Variants in CPLX2 observed in about 807,000 individuals in gnomAD.
CPLX2 encodes complexin-2.
A neutral mutation model predicts 16.3 loss-of-function variants in CPLX2; 5 were observed. That is an observed-to-expected ratio of 0.31 (90% CI 0.16 to 0.64). CPLX2 has a LOEUF of 0.64. CPLX2 is among the 30% of genes least tolerant of loss of function. CPLX2 has a pLI of 0.79. For synonymous variants in CPLX2, 89 were observed against 73.2 expected, an observed-to-expected ratio of 1.22 and a Z score of -1.10; for missense variants, 144 against 181.4, an observed-to-expected ratio of 0.79 and a Z score of 1.18.
intron 2 of CPLX2, among the ~76,000 whole-genome samples, chr5:175,814,572 A>G (rs1424567497): frequency 1.3e-5 from 2 of 152,208 alleles, no homozygotes; most frequent in East Asian, 3.8e-4. Flanking sequence ...TGTGAACCTC[A>G]ACAGTTCACA....
At chr5:175,874,076 C>G (rs1256337970) in intron 1 of CPLX2, among the ~76,000 whole-genome samples, 2 of 152,168 alleles carry the variant, frequency 1.3e-5, no homozygotes, top group Non-Finnish European at 2.9e-5. Context: ...CACAAGGACT[C>G]GTATCAGTTT....
chr5:175,864,678 A>G (rs1759433203), intron 2 of CPLX2, among the ~76,000 whole-genome samples: 1 of 152,156 alleles, frequency 6.6e-6, no homozygotes, highest in African/African-American at 2.4e-5. Flanking sequence ...TTTGCCTAGG[A>G]GAGCTCCTGG....
At chr5:175,801,061 G>C (rs909020742) in intron 1 of CPLX2, among the ~76,000 whole-genome samples, 3 of 151,850 alleles carry the variant, frequency 2.0e-5, no homozygotes, top group Non-Finnish European at 4.4e-5. Flanking sequence ...GGAGGGGGCA[G>C]AGAGGAGATC....
intron 2 of CPLX2, among the ~76,000 whole-genome samples, chr5:175,818,864 T>C (rs1003777415): frequency 2.0e-5 from 3 of 151,966 alleles, no homozygotes; most frequent in Non-Finnish European, 4.4e-5. Context: ...TTTCACCATG[T>C]TGGTTGGCCA....
rs906632073 is a variant in CPLX2, at chr5:175,872,015, C to T, written c.-89+310C>T. On this transcript the variant is annotated intron_variant, in intron 1 of 3. Coordinates refer to ENST00000393745, the MANE Select transcript of CPLX2 (RefSeq NM_001008220.2). The surrounding 1 kb of genome is among the most constrained non-coding windows in gnomAD (Gnocchi z 5.0). ...GGCAGAGCCCGAACGGCCGGGGTCC[C>T]GGAGCCAGGACCGCCCCGGCTGCGG... The T allele has an allele frequency of 1.3e-5, 2 of 152,358 alleles. No homozygotes were observed. Among genetic ancestry groups the T allele is most frequent in the East Asian group, 1.9e-4 (1 of 5,150 alleles). 9.4% of individuals were successfully genotyped at this position (152,358 alleles called of 1,614,324 possible).
chr5:175,844,887 G>A (rs1759013690), intron 2 of CPLX2, among the ~76,000 whole-genome samples: 1 of 152,222 alleles, frequency 6.6e-6, no homozygotes, highest in Non-Finnish European at 1.5e-5. Flanking sequence ...AGTCTTTGTC[G>A]AGGGCTGGAT....
At chr5:175,841,444 C>T (rs1429540014) in intron 2 of CPLX2, among the ~76,000 whole-genome samples, 1 of 152,206 alleles carries the variant, frequency 6.6e-6, no homozygotes, top group African/African-American at 2.4e-5. Context: ...GAGAAGTGCA[C>T]ATCAGAAACA....
intron 2 of CPLX2, among the ~76,000 whole-genome samples, chr5:175,834,209 G>T (rs1462792709): frequency 3.3e-5 from 5 of 152,192 alleles, no homozygotes; most frequent in Admixed American, 2.6e-4. Context: ...GTAAAATGGG[G>T]TAATGACACC....
intron 2 of CPLX2, among the ~76,000 whole-genome samples, chr5:175,851,206 C>T (rs1216009061): frequency 2.6e-5 from 4 of 152,026 alleles, no homozygotes; most frequent in Non-Finnish European, 5.9e-5. Flanking sequence ...TGAAAGGTGG[C>T]CCCCTTTGGT....
At chr5:175,801,561 T>C (rs964594343) in intron 1 of CPLX2, among the ~76,000 whole-genome samples, 1 of 152,198 alleles carries the variant, frequency 6.6e-6, no homozygotes, top group African/African-American at 2.4e-5. Context: ...GCCCTGCCAT[T>C]GAGAAGCTGT....
chr5:175,798,509 G>C (rs943842517), intron 1 of CPLX2, among the ~76,000 whole-genome samples: 3 of 152,156 alleles, frequency 2.0e-5, no homozygotes, highest in Admixed American at 6.5e-5. Context: ...GTCACGAACT[G>C]TAAGGAAAGA....
chr5:175,808,312 C>T (rs1758249858), intron 1 of CPLX2, among the ~76,000 whole-genome samples: 1 of 152,134 alleles, frequency 6.6e-6, no homozygotes, highest in African/African-American at 2.4e-5. Flanking sequence ...TCACGATGCT[C>T]AGTCAACAAT....
At chr5:175,868,008 G>A (rs747705566), upstream of CPLX2, among the ~76,000 whole-genome samples, 85 of 152,160 alleles carry the variant, frequency 5.6e-4, no homozygotes, top group Non-Finnish European at 7.5e-4. Context: ...TCGGGCACAC[G>A]GCCAACCTCC....
upstream of CPLX2, among the ~76,000 whole-genome samples, chr5:175,869,781 C>T (rs1252757339): frequency 1.3e-5 from 2 of 152,158 alleles, no homozygotes; most frequent in African/African-American, 2.4e-5. Context: ...GACATACTCA[C>T]GTTTGTCAAA....
At chr5:175,852,354 G>A (rs1176691200) in intron 2 of CPLX2, among the ~76,000 whole-genome samples, 2 of 152,226 alleles carry the variant, frequency 1.3e-5, no homozygotes, top group Non-Finnish European at 1.5e-5. Flanking sequence ...CCTCTGGAGG[G>A]ATGGAGGAGA....
At chr5:175,801,693 T>C (rs1758099349) in intron 1 of CPLX2, among the ~76,000 whole-genome samples, 1 of 152,228 alleles carries the variant, frequency 6.6e-6, no homozygotes, top group South Asian at 2.1e-4. Flanking sequence ...AGTTAAAATA[T>C]GTGCAGCACT....
In CPLX2 at chr5:175,849,252, C is replaced by T. The variant is rs1386180415; in HGVS notation, c.-88-29400C>T. ...GCACTGACCTGTCCATTGTCACCAG[C>T]CAGCAGCTCAAAGGGATGTCCGGCT... is the stretch of plus-strand genomic sequence containing the variant. On this transcript the variant is annotated intron_variant, in intron 2 of 4. Transcript: ENST00000359546. This position sits in a 1 kb window ranked among gnomAD's most constrained non-coding sequence, Gnocchi z 4.4. Among the ~76,000 whole-genome samples the T allele has an allele frequency of 6.6e-6, 1 of 152,168 alleles. No homozygotes were observed. Among genetic ancestry groups the T allele is most frequent in the Non-Finnish European group, 1.5e-5 (1 of 68,022 alleles).
chr5:175,877,611 G>T (rs1012462241), intron 1 of CPLX2, among the ~76,000 whole-genome samples: 7 of 152,174 alleles, frequency 4.6e-5, no homozygotes, highest in Non-Finnish European at 8.8e-5. Context: ...AGAGATCTGT[G>T]TCTGTTAAAG....
chr5:175,854,380 G>A (rs1208972776), intron 2 of CPLX2, among the ~76,000 whole-genome samples: 1 of 152,140 alleles, frequency 6.6e-6, no homozygotes, highest in Non-Finnish European at 1.5e-5. Context: ...GGGAAGCAAG[G>A]ACTCTTGATT....
Sources: gnomAD v4.1 joint callset for allele counts (sites outside exome capture counted in the v4.1 genomes callset) on GRCh38, gnomAD v4.1.1 for gene constraint, Gnocchi (gnomAD v3.1) non-coding constraint, MANE v1.5 for transcripts, NCBI Gene and HGNC (gene_info 2026-07-23, HGNC 2026-07-21) for gene names.